The following ZNF652 variants were observed in gnomAD, a reference collection of about 807,000 sequenced individuals.
ZNF652 encodes zinc finger protein 652.
A neutral mutation model predicts 45.2 loss-of-function variants in ZNF652; 16 were observed. The ratio of observed to expected loss-of-function variants is 0.35; its 90% CI spans 0.24 to 0.54. The LOEUF (loss-of-function observed/expected upper bound fraction) is 0.54, where lower values mean the gene tolerates loss of function less well. Ranked by LOEUF, ZNF652 falls within the 20% of genes least tolerant of loss-of-function variation. ZNF652 has a pLI of 0.91. For synonymous variants in ZNF652, 250 were observed against 260.6 expected, an observed-to-expected ratio of 0.96 and a Z score of 0.39; for missense variants, 614 against 765.6, an observed-to-expected ratio of 0.80 and a Z score of 2.34.
At chr17:49,334,835 C>T (rs1000270668) in intron 1 of ZNF652, among the ~76,000 whole-genome samples, 23 of 151,412 alleles carry the variant, frequency 1.5e-4, no homozygotes, top group African/African-American at 3.9e-4. Context: ...GGAAAAACCC[C>T]GAAAGCATTA....
At chr17:49,357,826 G>A (rs1425126065) in intron 1 of ZNF652, among the ~76,000 whole-genome samples, 3 of 152,132 alleles carry the variant, frequency 2.0e-5, no homozygotes, top group Admixed American at 6.5e-5. Context: ...AGATTTTACT[G>A]TCCCCACCAA....
At chr17:49,329,117 T>C (rs1282528904) in intron 1 of ZNF652, among the ~76,000 whole-genome samples, 1 of 152,222 alleles carries the variant, frequency 6.6e-6, no homozygotes, top group Admixed American at 6.5e-5. Flanking sequence ...TCCAGAATGT[T>C]AGGTTAATTC....
chr17:49,312,070 A>C, intron 3 of ZNF652, 28 bp from the exon 4 acceptor site: 1 of 1,559,912 alleles, frequency 6.4e-7, no homozygotes, highest in Non-Finnish European at 8.8e-7. Context: ...CTTAGTGTCA[A>C]AACAAAATCC....
In ZNF652 at chr17:49,317,784, G is replaced by A. The variant is rs1398967538; in HGVS notation, c.-59C>T. The A allele has an allele frequency of 4.8e-6, 7 of 1,446,324 alleles. No individual in the cohort carries two copies. The highest frequency in any genetic ancestry group is 4.3e-5 in the African/African-American group (3 of 70,182). 89.6% of individuals were successfully genotyped at this position (1,446,324 alleles called of 1,614,324 possible). A position where few individuals can be genotyped will look rare whatever the true frequency, so the allele number is the denominator to read the frequency against. On this transcript the variant is annotated 5_prime_UTR_variant, in exon 2 of 6. Coordinates refer to ENST00000430262, the MANE Select transcript of ZNF652 (RefSeq NM_001145365.3). ...CTATAAAGAAATAGCTTTAAAACAA[G>A]GTAATTATTAAGACTCAAATCTTTT...
chr17:49,350,954 A>G (rs994355272), intron 1 of ZNF652, among the ~76,000 whole-genome samples: 3 of 136,600 alleles, frequency 2.2e-5, no homozygotes, highest in African/African-American at 5.4e-5. Context: ...TGGGTGACAG[A>G]GCAAGACTCT....
At chr17:49,318,266 C>T (rs551196436) in intron 1 of ZNF652, among the ~76,000 whole-genome samples, 6 of 152,132 alleles carry the variant, frequency 3.9e-5, no homozygotes, top group Middle Eastern at 3.4e-3. Context: ...TTAGTAGAGA[C>T]GGGGTTTTGC....
At chr17:49,352,751 T>G (rs2070295464) in intron 1 of ZNF652, among the ~76,000 whole-genome samples, 1 of 152,208 alleles carries the variant, frequency 6.6e-6, no homozygotes, top group South Asian at 2.1e-4. Flanking sequence ...TGGTTACGAA[T>G]GTACGTGATC....
chr17:49,311,251 C>T (rs2069707254), intron 5 of ZNF652, 61 bp downstream of exon 5: 12 of 1,535,956 alleles, frequency 7.8e-6, no homozygotes, highest in Non-Finnish European at 1.1e-5. Flanking sequence ...AAAACAGACC[C>T]ACAGATGATC....
rs148131336 is a variant in ZNF652 at position 49,353,507 on chromosome 17, C to T, written c.-259+8402G>A. Among the ~76,000 whole-genome samples, 818 of 151,966 alleles carry T rather than the reference C, an allele frequency of 5.4e-3. 10 individuals are homozygous for T. Among genetic ancestry groups the T allele is most frequent in the African/African-American group, 0.019 (788 of 41,430 alleles). On this transcript the variant is annotated intron_variant, in intron 1 of 5. Coordinates refer to ENST00000430262, the MANE Select transcript of ZNF652 (RefSeq NM_001145365.3). The stretch of plus-strand genomic sequence containing the variant: ...ATTTTTTTTTTTTGAGACAGAGTCT[C>T]GCTCTGTCACCCGGGCTAGAGTGAT...
At chr17:49,336,578 C>T (rs1452296580) in intron 1 of ZNF652, among the ~76,000 whole-genome samples, 3 of 151,912 alleles carry the variant, frequency 2.0e-5, no homozygotes, top group Admixed American at 6.6e-5. Flanking sequence ...ATCTGCCTGC[C>T]TCAGCCTCCC....
At chr17:49,299,628 A>G (rs1278198044) in intron 5 of ZNF652, among the ~76,000 whole-genome samples, 1 of 151,300 alleles carries the variant, frequency 6.6e-6, no homozygotes, top group Non-Finnish European at 1.5e-5. Context: ...TGATCTACCC[A>G]CCTCGGCCTC....
chr17:49,310,146 G>A (rs528876201), intron 5 of ZNF652, among the ~76,000 whole-genome samples: 2 of 152,196 alleles, frequency 1.3e-5, no homozygotes, highest in African/African-American at 2.4e-5. Flanking sequence ...GTAGAGATGG[G>A]GTTTCACCGT....
At chr17:49,332,853 C>G (rs886723532) in intron 1 of ZNF652, among the ~76,000 whole-genome samples, 4 of 152,142 alleles carry the variant, frequency 2.6e-5, no homozygotes, top group East Asian at 3.9e-4. Context: ...CTCCCTACCC[C>G]CTTTTCTTTC....
At chr17:49,325,128 G>A (rs1356801477) in intron 1 of ZNF652, among the ~76,000 whole-genome samples, 2 of 152,126 alleles carry the variant, frequency 1.3e-5, no homozygotes, top group African/African-American at 4.8e-5. Context: ...CTACGTTTTG[G>A]CCTGTCTTGG....
At chr17:49,315,071 C>T (rs1307718275) in intron 2 of ZNF652, among the ~76,000 whole-genome samples, 1 of 132,752 alleles carries the variant, frequency 7.5e-6, no homozygotes, top group African/African-American at 2.8e-5. Context: ...GACGGAGCTT[C>T]ACTCTTCTTG....
At chr17:49,333,210 A>C (rs1336336459) in intron 1 of ZNF652, among the ~76,000 whole-genome samples, 2 of 150,900 alleles carry the variant, frequency 1.3e-5, no homozygotes, top group Admixed American at 1.3e-4. Flanking sequence ...GGTGCCTGTC[A>C]CCATGCCCAG....
In ZNF652 at chr17:49,298,324, T is replaced by G; in HGVS notation, c.*89A>C. 1 of 1,524,370 alleles carries G rather than the reference T, an allele frequency of 6.6e-7. No homozygotes were observed. The highest frequency in any genetic ancestry group is 8.9e-7 in the Non-Finnish European group (1 of 1,123,734). 94.4% of individuals were successfully genotyped at this position (1,524,370 alleles called of 1,614,324 possible). A position where few individuals can be genotyped will look rare whatever the true frequency, so the allele number is the denominator to read the frequency against. On this transcript the variant is annotated 3_prime_UTR_variant, in exon 6 of 6. Transcript: ENST00000430262. The stretch of plus-strand genomic sequence containing the variant: ...CTCTTGGTAGAGGCGGAGGAGAGTC[T>G]GAGAACTAAGGAAATGCTCACCGAC...
Position 49,317,275 on chromosome 17 carries a change from T to C in ZNF652, c.451A>G (p.Ser151Gly), listed in dbSNP as rs142945088. The C allele has an allele frequency of 1.2e-6, 2 of 1,612,950 alleles. No individual in the cohort carries two copies. The highest frequency in any genetic ancestry group is 1.7e-6 in the Non-Finnish European group (2 of 1,180,018). ...SKETPVLKTS[S>G]EEEEEESEEE... ...TCACTCTCTTCCTCTTCCTCCTCAC[T>C]GCTTGTCTTAAGAACAGGAGTCTCT... is the stretch of plus-strand genomic sequence containing the variant. The change falls in exon 2 of 6, where the codon AGT (serine) becomes GGT (glycine). Residue 151 changes from serine (S) to glycine (G), a missense_variant. Transcript: ENST00000430262.
chr17:49,332,479 T>C (rs757465729), intron 1 of ZNF652, among the ~76,000 whole-genome samples: 1 of 152,130 alleles, frequency 6.6e-6, no homozygotes, highest in South Asian at 2.1e-4. Context: ...TCCGATTCTT[T>C]TGAAATATAC....
Sources: allele counts gnomAD v4.1 joint callset (sites outside exome capture counted in the v4.1 genomes callset), GRCh38; gene constraint gnomAD v4.1.1; transcripts MANE v1.5; gene names NCBI Gene and HGNC (gene_info 2026-07-23, HGNC 2026-07-21).